Variants in GNPAT observed in about 807,000 individuals in gnomAD.
GNPAT encodes the protein glyceronephosphate O-acyltransferase, also known as dihydroxyacetone phosphate acyltransferase.
Under a neutral mutation model 78.4 loss-of-function variants are expected in GNPAT, and 30 were observed. The observed-to-expected ratio is 0.38, with a 90% CI of 0.29 to 0.52. GNPAT has a LOEUF of 0.52. Ranked by LOEUF, GNPAT falls within the 20% of genes least tolerant of loss-of-function variation. GNPAT has a pLI of 0.84. For missense variants in GNPAT, 714 were observed against 812.2 expected (o/e 0.88, Z 1.47); for synonymous variants, 271 against 281.1 (o/e 0.96, Z 0.36).
At chr1:231,264,526 A>T (rs371394581) in intron 4 of GNPAT, among the ~76,000 whole-genome samples, 23 of 152,342 alleles carry the variant, frequency 1.5e-4, no homozygotes, top group African/African-American at 5.0e-4. Flanking sequence ...TTTGTTAATA[A>T]ATGCAGTGAA....
At chr1:231,241,931 GTT>G (rs1684623474) in intron 1 of GNPAT, among the ~76,000 whole-genome samples, 1 of 152,272 alleles carries the variant, frequency 6.6e-6, no homozygotes, top group South Asian at 2.1e-4. Context: ...TGGGAATAGA[GTT>G]TTAAACACTT....
intron 1 of GNPAT, among the ~76,000 whole-genome samples, chr1:231,242,302 A>C (rs1056350340): frequency 9.2e-5 from 14 of 152,222 alleles, no homozygotes; most frequent in Admixed American, 9.2e-4. Context: ...TTAAAAGCAT[A>C]TTAGCATATC....
At chr1:231,266,927 A>G (rs1178955615) in intron 8 of GNPAT, among the ~76,000 whole-genome samples, 1 of 152,240 alleles carries the variant, frequency 6.6e-6, no homozygotes, top group Non-Finnish European at 1.5e-5. Context: ...CTGGACAAGT[A>G]AGGGAGACAA....
chr1:231,255,508 T>C (rs963830360), intron 2 of GNPAT, among the ~76,000 whole-genome samples: 1 of 152,076 alleles, frequency 6.6e-6, no homozygotes, highest in East Asian at 1.9e-4. Flanking sequence ...ACTGTAACCT[T>C]GAACTCCTGG....
At chr1:231,263,987 C>G (rs1023951238) in intron 4 of GNPAT, among the ~76,000 whole-genome samples, 1 of 152,072 alleles carries the variant, frequency 6.6e-6, no homozygotes, top group Non-Finnish European at 1.5e-5. Context: ...CCTGGATATT[C>G]ACCCCTTATC....
intron 4 of GNPAT, among the ~76,000 whole-genome samples, chr1:231,263,116 T>C (rs1271097679): frequency 6.6e-6 from 1 of 152,214 alleles, no homozygotes; most frequent in Admixed American, 6.5e-5. Flanking sequence ...TAGCTGCCTT[T>C]TGCTTTTTTT....
chr1:231,271,548 C>T (rs957228857), intron 10 of GNPAT, among the ~76,000 whole-genome samples: 1 of 152,148 alleles, frequency 6.6e-6, no homozygotes, highest in Non-Finnish European at 1.5e-5. Context: ...TTCAGTTGAC[C>T]TGGGGTATGG....
rs1337617305 is a variant in GNPAT, at chr1:231,266,170, G to A, written c.924+5G>A. On this transcript the variant is annotated splice_donor_5th_base_variant and intron_variant, in intron 7 of 15. Coordinates refer to ENST00000366647, the MANE Select transcript of GNPAT (RefSeq NM_014236.4). ...AAACCAAAAGAGTCTACAACTGTACGTGAGCTTGATTTTAGCTTAATTGAG... is the reference window on the plus strand; with the variant it reads ...AAACCAAAAGAGTCTACAACTGTACATGAGCTTGATTTTAGCTTAATTGAG... 3 of 1,613,060 alleles carry A rather than the reference G, an allele frequency of 1.9e-6. No individual in the cohort carries two copies. The highest frequency in any genetic ancestry group is 2.5e-6 in the Non-Finnish European group (3 of 1,179,380).
chr1:231,275,334 C>A lies in GNPAT; in HGVS notation c.1843+14C>A. On this transcript the variant is annotated intron_variant, in intron 13 of 15. Transcript: ENST00000366647. ...TTCTCGATCAAGGTCAGTCACTGCT[C>A]TGTGGGTGCTGATTTCTTTTAGTTG... 6.3e-7 allele frequency: 1 copy of A among 1,587,236 alleles called. No individual in the cohort carries two copies. The highest frequency in any genetic ancestry group is 8.7e-7 in the Non-Finnish European group (1 of 1,155,340).
At chr1:231,250,842 G>A in intron 1 of GNPAT, 119 bp from the exon 2 acceptor site, 2 of 712,158 alleles carry the variant, frequency 2.8e-6, no homozygotes, top group South Asian at 3.0e-5. Flanking sequence ...AGAACACTCT[G>A]CTCCTGTTCA....
chr1:231,267,729 G>A lies in GNPAT; in HGVS notation c.1105G>A (p.Val369Ile). Reference protein sequence around the residue: ...SEDMHAFVTEVAYKMELLQIE... With the variant: ...SEDMHAFVTEIAYKMELLQIE... Reference sequence around the variant, plus strand: ...GGACATGCATGCCTTTGTCACTGAAGTTGCCTACAAAATGGAGCTTCTGCA... The same window carrying A: ...GGACATGCATGCCTTTGTCACTGAAATTGCCTACAAAATGGAGCTTCTGCA... The change falls in exon 9 of 16, where the codon GTT becomes ATT. Residue 369 changes from valine to isoleucine, a missense_variant. Coordinates refer to ENST00000366647, the MANE Select transcript of GNPAT (RefSeq NM_014236.4). 2 of 1,612,788 alleles carry A rather than the reference G, an allele frequency of 1.2e-6. No individual in the cohort carries two copies. The highest frequency in any genetic ancestry group is 1.7e-6 in the Non-Finnish European group (2 of 1,178,796).
At chr1:231,252,956 GT>G (rs764575295) in intron 2 of GNPAT, among the ~76,000 whole-genome samples, 3 of 151,874 alleles carry the variant, frequency 2.0e-5, no homozygotes, top group African/African-American at 7.3e-5. Flanking sequence ...GTTACCTCCA[GT>G]TTTTTTGTTT....
intron 1 of GNPAT, among the ~76,000 whole-genome samples, chr1:231,249,382 A>G (rs1309766345): frequency 1.3e-5 from 2 of 152,150 alleles, no homozygotes; most frequent in Non-Finnish European, 2.9e-5. Context: ...ATTTGCTGCC[A>G]CTTATATTCT....
intron 2 of GNPAT, among the ~76,000 whole-genome samples, chr1:231,256,738 G>A (rs1571940797): frequency 1.3e-5 from 2 of 151,932 alleles, no homozygotes; most frequent in Admixed American, 6.6e-5. Flanking sequence ...CGCCCGCCTC[G>A]GCCTCCCAAA....
chr1:231,252,475 G>T (rs1212055304), intron 2 of GNPAT, among the ~76,000 whole-genome samples: 1 of 152,174 alleles, frequency 6.6e-6, no homozygotes, highest in East Asian at 1.9e-4. Context: ...TATCACCCAG[G>T]TGCTTGTATG....
Position 231,276,651 on chromosome 1 carries a change from T to A in GNPAT, c.1999+455T>A, listed in dbSNP as rs114189013. Among the ~76,000 whole-genome samples, 1,251 of 152,302 alleles carry A rather than the reference T, an allele frequency of 8.2e-3. 11 individuals are homozygous for A. The highest frequency in any genetic ancestry group is 0.012 in the Non-Finnish European group (783 of 68,022). On this transcript the variant is annotated intron_variant, in intron 15 of 15. Transcript: ENST00000366647. ...CATCCTTGGGAGAATAATCCAACCC[T>A]TACTCTTCTCTAGAGCCTATCAGCT...
intron 5 of GNPAT, 115 bp downstream of exon 5, chr1:231,265,535 A>C: frequency 1.0e-6 from 1 of 965,774 alleles, no homozygotes; most frequent in Non-Finnish European, 1.7e-6. Flanking sequence ...TCCCTCAAGA[A>C]CTGCTTATAA....
chr1:231,244,066 AC>A (rs1360309909), intron 1 of GNPAT, among the ~76,000 whole-genome samples: 1 of 151,784 alleles, frequency 6.6e-6, no homozygotes, highest in Non-Finnish European at 1.5e-5. Flanking sequence ...CTGCCACCAC[AC>A]CCGGCTAATT....
intron 1 of GNPAT, among the ~76,000 whole-genome samples, chr1:231,250,571 GT>G (rs1684866974): frequency 6.6e-6 from 1 of 152,132 alleles, no homozygotes; most frequent in African/African-American, 2.4e-5. Flanking sequence ...GGTTTCAAAT[GT>G]TTGTTTTAAT....
Sources: allele counts gnomAD v4.1 joint callset (sites outside exome capture counted in the v4.1 genomes callset), GRCh38; gene constraint gnomAD v4.1.1; transcripts MANE v1.5; gene names NCBI Gene and HGNC (gene_info 2026-07-23, HGNC 2026-07-21).